KIRREL3: variants seen among roughly 807,000 people sequenced by gnomAD.
KIRREL3 encodes kirre like nephrin family adhesion molecule 3, also known as kin of IRRE-like protein 3.
In KIRREL3, 36 loss-of-function variants were observed where a neutral mutation model predicts 89.7. The observed-to-expected ratio is 0.40, with a 90% CI of 0.31 to 0.53. The LOEUF (loss-of-function observed/expected upper bound fraction) is 0.53. Ranked by LOEUF, KIRREL3 falls within the 20% of genes least tolerant of loss-of-function variation. The pLI is 0.49. For synonymous variants in KIRREL3, 445 were observed against 441.4 expected (o/e 1.01, Z -0.10); for missense variants, 864 against 1,056.6 (o/e 0.82, Z 2.53).
At position 126,716,654 on chromosome 11, in the gene KIRREL3, C is replaced by A. The variant is rs781673490; in HGVS notation, c.56-153742G>T. 9.5e-4 allele frequency among the ~76,000 whole-genome samples: 144 copies of A among 151,528 alleles called. No individual in the cohort carries two copies. The Middle Eastern group carries it at 0.017, about 18-fold the overall frequency. ...CTCCAAACACCAGGGGGAGCTATCA[C>A]CCTGGAAGAAACAGCCAAATGCATC... On this transcript the variant is annotated intron_variant, in intron 1 of 16. Coordinates refer to ENST00000525144, the MANE Select transcript of KIRREL3 (RefSeq NM_032531.4).
Position 126,889,605 on chromosome 11 carries a change from C to T in KIRREL3, c.55+110850G>A, listed in dbSNP as rs564466317. On this transcript the variant is annotated intron_variant, in intron 1 of 16. Coordinates refer to ENST00000525144, the MANE Select transcript of KIRREL3 (RefSeq NM_032531.4). The stretch of plus-strand genomic sequence containing the variant: ...CTCAAATATTTCCTGGTTAAATGGA[C>T]AAATATATTACAGGCCACATCAGGG... 4.6e-5 allele frequency among the ~76,000 whole-genome samples: 7 copies of T among 152,286 alleles called. No individual in the cohort carries two copies. The South Asian group carries it at 1.0e-3, about 23-fold the overall frequency.
chr11:126,438,546 C>T (rs939434940), intron 11 of KIRREL3, among the ~76,000 whole-genome samples: 1 of 152,196 alleles, frequency 6.6e-6, no homozygotes, highest in Non-Finnish European at 1.5e-5. Flanking sequence ...CAGGCACTGC[C>T]AAATGTCCCC....
At position 126,990,719 on chromosome 11, in the gene KIRREL3, C is replaced by T. The variant is rs1001602701; in HGVS notation, c.55+9736G>A. Reference sequence around the variant, plus strand: ...AAGAAAAAGGCTTCAGAGGGCATCTCCCTGAAGAAACAGAACTCCTTGTGA... The same window carrying T: ...AAGAAAAAGGCTTCAGAGGGCATCTTCCTGAAGAAACAGAACTCCTTGTGA... On this transcript the variant is annotated intron_variant, in intron 1 of 16. Transcript: ENST00000525144. This position sits in a 1 kb window ranked among gnomAD's most constrained non-coding sequence, Gnocchi z 6.3. Among the ~76,000 whole-genome samples the T allele has an allele frequency of 6.6e-6, 1 of 152,236 alleles. No homozygotes were observed. The highest frequency in any genetic ancestry group is 1.5e-5 in the Non-Finnish European group (1 of 68,046).
chr11:126,544,918 G>GA lies in KIRREL3; in HGVS notation c.133+17916dup, dbSNP rs752762014. Among the ~76,000 whole-genome samples, 1 of 152,108 alleles carries GA rather than the reference G, an allele frequency of 6.6e-6. No homozygotes were observed. The highest frequency in any genetic ancestry group is 1.5e-5 in the Non-Finnish European group (1 of 68,032). ...TATTTAGGCCACAGAGAGGGGAGAAGACACAATAATGAAAAACTCAACGTG... is the reference window on the plus strand; with the variant it reads ...TATTTAGGCCACAGAGAGGGGAGAAGAACACAATAATGAAAAACTCAACGTG... On this transcript the variant is annotated intron_variant, in intron 2 of 16. Transcript: ENST00000525144. This position sits in a 1 kb window ranked among gnomAD's most constrained non-coding sequence, Gnocchi z 5.6.
chr11:126,575,283 G>A lies in KIRREL3; in HGVS notation c.56-12371C>T, dbSNP rs998896944. Reference sequence around the variant, plus strand: ...AGGCCAAGAGAAGCCAGCCTAGGAAGGTTGGACCATTGATCCCACAGCCCT... The same window carrying A: ...AGGCCAAGAGAAGCCAGCCTAGGAAAGTTGGACCATTGATCCCACAGCCCT... On this transcript the variant is annotated intron_variant, in intron 1 of 16. Transcript: ENST00000525144. The surrounding 1 kb of genome is among the most constrained non-coding windows in gnomAD (Gnocchi z 7.0). Among the ~76,000 whole-genome samples, 3 of 152,308 alleles carry A rather than the reference G, an allele frequency of 2.0e-5. No homozygotes were observed. Among genetic ancestry groups the A allele is most frequent in the Middle Eastern group, 6.8e-3 (2 of 294 alleles).
intron 1 of KIRREL3, among the ~76,000 whole-genome samples, chr11:126,871,448 C>A (rs527805715): frequency 6.6e-6 from 1 of 152,250 alleles, no homozygotes; most frequent in East Asian, 1.9e-4. Context: ...TTGCACAAAA[C>A]TCTTCCACAC....
intron 1 of KIRREL3, among the ~76,000 whole-genome samples, chr11:126,949,240 G>A (rs1170772409): frequency 6.6e-6 from 1 of 152,180 alleles, no homozygotes; most frequent in African/African-American, 2.4e-5. Flanking sequence ...AGCAGCGCAT[G>A]AGATCATTGT....
chr11:126,785,276 C>G (rs1163647231), intron 1 of KIRREL3, among the ~76,000 whole-genome samples: 1 of 152,078 alleles, frequency 6.6e-6, no homozygotes, highest in Admixed American at 6.6e-5. Flanking sequence ...TATCTTAATA[C>G]AGCAGAAACA....
Position 126,765,643 on chromosome 11 carries a change from T to C in KIRREL3, c.56-202731A>G, listed in dbSNP as rs530759343. Among the ~76,000 whole-genome samples, 4 of 152,210 alleles carry C rather than the reference T, an allele frequency of 2.6e-5. No individual in the cohort carries two copies. In the South Asian group the frequency reaches 8.3e-4, roughly 32 times the overall value. ...TAAGAAGGCAATACTATAATTTTCTTCACTGTCTCCCTTTAATGAGGTCGA... is the reference window on the plus strand; with the variant it reads ...TAAGAAGGCAATACTATAATTTTCTCCACTGTCTCCCTTTAATGAGGTCGA... On this transcript the variant is annotated intron_variant, in intron 1 of 16. Transcript: ENST00000525144.
chr11:126,502,410 A>G (rs1378865517), intron 4 of KIRREL3, among the ~76,000 whole-genome samples: 1 of 152,230 alleles, frequency 6.6e-6, no homozygotes, highest in African/African-American at 2.4e-5. Flanking sequence ...AGGCACAGTC[A>G]GAAGAAGCTG....
intron 11 of KIRREL3, 68 bp from the exon 12 acceptor site, chr11:126,437,077 C>T: frequency 1.5e-6 from 2 of 1,368,590 alleles, no homozygotes; most frequent in Non-Finnish European, 2.0e-6. Context: ...ACACCAGAGT[C>T]ACAGTGCCAC....
chr11:126,868,006 T>C (rs906890290), intron 1 of KIRREL3, among the ~76,000 whole-genome samples: 1 of 140,900 alleles, frequency 7.1e-6, no homozygotes. Context: ...TGAGCACTTC[T>C]CTCTCTTCCC....
At position 126,523,236 on chromosome 11, in the gene KIRREL3, A is replaced by G. The variant is rs1185128329; in HGVS notation, c.284-1772T>C. Among the ~76,000 whole-genome samples the G allele has an allele frequency of 6.6e-6, 1 of 152,110 alleles. No homozygotes were observed. Among genetic ancestry groups the G allele is most frequent in the African/African-American group, 2.4e-5 (1 of 41,420 alleles). ...AGCAGAGGTTGGATGATCGCCTCTCAGGGATGTTGCAGAGGTGATTTCTAC... is the reference window on the plus strand; with the variant it reads ...AGCAGAGGTTGGATGATCGCCTCTCGGGGATGTTGCAGAGGTGATTTCTAC... On this transcript the variant is annotated intron_variant, in intron 3 of 16. Coordinates refer to ENST00000525144, the MANE Select transcript of KIRREL3 (RefSeq NM_032531.4). This position sits in a 1 kb window ranked among gnomAD's most constrained non-coding sequence, Gnocchi z 4.9.
At chr11:126,840,803 CTG>C (rs1943941340) in intron 1 of KIRREL3, among the ~76,000 whole-genome samples, 1 of 152,160 alleles carries the variant, frequency 6.6e-6, no homozygotes, top group Admixed American at 6.5e-5. Flanking sequence ...ATCACAGTGA[CTG>C]TGATCAAGTA....
chr11:126,466,181 A>G (rs1306656666), intron 5 of KIRREL3, among the ~76,000 whole-genome samples: 1 of 152,166 alleles, frequency 6.6e-6, no homozygotes, highest in East Asian at 1.9e-4. Context: ...TGACATATTT[A>G]CTGGGTCCAG....
In KIRREL3 at chr11:126,656,898, A is replaced by T. The variant is rs1190460462; in HGVS notation, c.56-93986T>A. The stretch of plus-strand genomic sequence containing the variant: ...GGGACCCCGTCTCTACTAGGAATAC[A>T]GGGGTTGGCTGGGCATGGTGGTGTG... On this transcript the variant is annotated intron_variant, in intron 1 of 16. Transcript: ENST00000525144. The surrounding 1 kb of genome is among the most constrained non-coding windows in gnomAD (Gnocchi z 4.0). Among the ~76,000 whole-genome samples the T allele has an allele frequency of 6.6e-6, 1 of 151,962 alleles. No homozygotes were observed. Among genetic ancestry groups the T allele is most frequent in the Non-Finnish European group, 1.5e-5 (1 of 68,002 alleles).
chr11:126,983,949 A>G lies in KIRREL3; in HGVS notation c.55+16506T>C, dbSNP rs1367043571. ...CTCCCAAAAGTAGTACATATCTAGT[A>G]TCATTTTAGATGCATAGGAAATAAT... On this transcript the variant is annotated intron_variant, in intron 1 of 16. Coordinates refer to ENST00000525144, the MANE Select transcript of KIRREL3 (RefSeq NM_032531.4). This position sits in a 1 kb window ranked among gnomAD's most constrained non-coding sequence, Gnocchi z 4.9. 6.6e-6 allele frequency among the ~76,000 whole-genome samples: 1 copy of G among 152,192 alleles called. No homozygotes were observed. Among genetic ancestry groups the G allele is most frequent in the Non-Finnish European group, 1.5e-5 (1 of 68,050 alleles).
At chr11:126,671,878 T>A (rs937461604) in intron 1 of KIRREL3, among the ~76,000 whole-genome samples, 18 of 152,208 alleles carry the variant, frequency 1.2e-4, no homozygotes, top group African/African-American at 4.1e-4. Flanking sequence ...TTTCTTACCA[T>A]GCTAAACATA....
chr11:126,698,164 C>A (rs532651670), intron 1 of KIRREL3, among the ~76,000 whole-genome samples: 1 of 152,138 alleles, frequency 6.6e-6, no homozygotes, highest in Non-Finnish European at 1.5e-5. Context: ...TTTCAGCAAA[C>A]GCTCCCTCTC....
Sources: allele counts gnomAD v4.1 joint callset (sites outside exome capture counted in the v4.1 genomes callset), GRCh38; gene constraint gnomAD v4.1.1; non-coding constraint Gnocchi (gnomAD v3.1); transcripts MANE v1.5; gene names NCBI Gene and HGNC (gene_info 2026-07-23, HGNC 2026-07-21).